RBM6: variants seen among roughly 807,000 people sequenced by gnomAD.
The protein encoded by RBM6 is RNA binding motif protein 6.
A neutral mutation model predicts 140.4 loss-of-function variants in RBM6; 23 were observed. The observed-to-expected ratio is 0.16, with a 90% CI of 0.12 to 0.23. RBM6 has a LOEUF of 0.23. Among genes scored for constraint, RBM6 ranks in the 10% least tolerant of loss-of-function variants. The pLI, the probability that RBM6 is intolerant of heterozygous loss-of-function variation, is 1.00. For missense variants in RBM6, 1,139 were observed against 1,386.7 expected, an observed-to-expected ratio of 0.82 and a Z score of 2.84; for synonymous variants, 439 against 475.6, an observed-to-expected ratio of 0.92 and a Z score of 1.00.
chr3:49,944,938 G>A (rs1427219919), intron 1 of RBM6, among the ~76,000 whole-genome samples: 15 of 150,776 alleles, frequency 9.9e-5, no homozygotes, highest in Admixed American at 2.7e-4. Context: ...GTGCAGTGGC[G>A]TGATCTCGGC....
At chr3:49,949,402 GT>G (rs1415785338) in intron 1 of RBM6, among the ~76,000 whole-genome samples, 2 of 151,040 alleles carry the variant, frequency 1.3e-5, no homozygotes, top group Non-Finnish European at 3.0e-5. Context: ...TTGTTTGCTT[GT>G]TTTTTTTGAG....
chr3:49,959,630 G>T (rs922082189), intron 1 of RBM6, among the ~76,000 whole-genome samples: 5 of 146,750 alleles, frequency 3.4e-5, no homozygotes, highest in Non-Finnish European at 7.5e-5. Context: ...GAGTGCAGTG[G>T]TGTGACCTCG....
chr3:50,061,859 A>G, intron 14 of RBM6, 103 bp from the exon 15 acceptor site: 1 of 1,440,562 alleles, frequency 6.9e-7, no homozygotes, highest in East Asian at 2.4e-5. Flanking sequence ...TTGTAAGTAA[A>G]AAAGTTGTTT....
chr3:50,030,218 G>A (rs1389470560), intron 6 of RBM6, among the ~76,000 whole-genome samples: 1 of 148,664 alleles, frequency 6.7e-6, no homozygotes, highest in Non-Finnish European at 1.5e-5. Flanking sequence ...AGGAAGTCGA[G>A]ATTGCAGTGA....
At chr3:50,017,537 G>A (rs764623449) in intron 6 of RBM6, among the ~76,000 whole-genome samples, 10 of 145,012 alleles carry the variant, frequency 6.9e-5, no homozygotes, top group East Asian at 2.0e-4. Context: ...CAGCCTGGGC[G>A]ACAGAGCAAG....
At chr3:50,022,423 C>T (rs1398575545) in intron 6 of RBM6, among the ~76,000 whole-genome samples, 5 of 151,828 alleles carry the variant, frequency 3.3e-5, no homozygotes, top group Middle Eastern at 3.2e-3. Context: ...CTCTGCCTCC[C>T]GGGTTCAAGT....
At chr3:49,962,942 C>CA (rs1342260488) in intron 2 of RBM6, 50 of 260,402 alleles carry the variant, frequency 1.9e-4, no homozygotes, top group South Asian at 4.2e-4. Context: ...CTAAAAAATA[C>CA]AAAAAAAACT....
At chr3:50,053,491 G>A (rs1252760879) in intron 7 of RBM6, among the ~76,000 whole-genome samples, 1 of 151,532 alleles carries the variant, frequency 6.6e-6, no homozygotes, top group Non-Finnish European at 1.5e-5. Context: ...AGATCATGCC[G>A]TTGCACTCCA....
chr3:50,010,210 A>G (rs1386554576), intron 6 of RBM6, among the ~76,000 whole-genome samples: 1 of 152,186 alleles, frequency 6.6e-6, no homozygotes, highest in Non-Finnish European at 1.5e-5. Flanking sequence ...TTAATCTCAC[A>G]GGGTGAGATT....
intron 6 of RBM6, among the ~76,000 whole-genome samples, chr3:50,046,064 C>T (rs1041560812): frequency 2.0e-5 from 3 of 151,850 alleles, no homozygotes; most frequent in African/African-American, 4.8e-5. Context: ...GGGCAGATCA[C>T]GAGGTCAGGA....
rs1451547809 is a variant in RBM6, at chr3:49,967,840, G to C, written c.415G>C (p.Asp139His). The C allele has an allele frequency of 6.2e-7, 1 of 1,614,154 alleles. No individual in the cohort carries two copies. Among genetic ancestry groups the C allele is most frequent in the Admixed American group, 1.7e-5 (1 of 60,004 alleles). The change falls in exon 3 of 21, where the codon GAT becomes CAT. Residue 139 changes from aspartate to histidine, a missense_variant. Transcript: ENST00000266022. This position sits in a 1 kb window ranked among gnomAD's most constrained non-coding sequence, Gnocchi z 4.0. ...EGPPMDYRGGDGTSMDYRGRE... is the reference protein window; with the variant it reads ...EGPPMDYRGGHGTSMDYRGRE... ...ACCACCTATGGACTATAGGGGTGGAGATGGTACTTCTATGGATTATAGAGG... is the reference window on the plus strand; with the variant it reads ...ACCACCTATGGACTATAGGGGTGGACATGGTACTTCTATGGATTATAGAGG...
At chr3:50,045,360 C>G (rs2089170858) in intron 6 of RBM6, among the ~76,000 whole-genome samples, 1 of 152,196 alleles carries the variant, frequency 6.6e-6, no homozygotes, top group Admixed American at 6.6e-5. Context: ...GCTCTAACAG[C>G]AGTATCTCCC....
intron 6 of RBM6, among the ~76,000 whole-genome samples, chr3:50,001,344 A>G (rs1241518786): frequency 6.6e-6 from 1 of 152,018 alleles, no homozygotes; most frequent in Admixed American, 6.6e-5. Context: ...GTGGCTATCA[A>G]CTTGGGAGGC....
At chr3:49,979,479 G>A (rs964278009) in intron 5 of RBM6, among the ~76,000 whole-genome samples, 1 of 130,252 alleles carries the variant, frequency 7.7e-6, no homozygotes, top group African/African-American at 3.0e-5. Flanking sequence ...TGCTCCCGTT[G>A]TGTAGGCAGG....
chr3:50,054,139 G>A, intron 7 of RBM6, 196 bp from the exon 8 acceptor site: 1 of 526,722 alleles, frequency 1.9e-6, no homozygotes. Flanking sequence ...TTGTTATAAG[G>A]TAGCTCTCAA....
rs763200659 is a variant in RBM6 at position 50,066,379 on chromosome 3, CAAG to C, written c.2824_2826del (p.Lys942del). 58 of 1,613,932 alleles carry C rather than the reference CAAG, an allele frequency of 3.6e-5. No homozygotes were observed. Among genetic ancestry groups the C allele is most frequent in the Non-Finnish European group, 3.3e-5 (39 of 1,180,036 alleles). ...AGCCCCAGAAGCGAGAGGAGCAAAC[CAAG>C]AAGGAGAATGAAGAAGACAAACTCA... On this transcript the variant is annotated inframe_deletion, in exon 17 of 21. Coordinates refer to ENST00000266022, the MANE Select transcript of RBM6 (RefSeq NM_005777.3).
chr3:50,006,703 C>CG (rs1208454318), intron 6 of RBM6, among the ~76,000 whole-genome samples: 5 of 151,110 alleles, frequency 3.3e-5, no homozygotes, highest in Non-Finnish European at 7.4e-5. Flanking sequence ...GAGGCCAAGA[C>CG]GGGCGGATCA....
chr3:49,968,226 G>A lies in RBM6; in HGVS notation c.801G>A (p.Gln267=), dbSNP rs766089797. ...GTAGACACCGATCTAGGACTGATCA[G>A]GATTTTAGGGGCAGAGAGATGGGAT... ...FRGRHRSRTD[Q]DFRGREMGSC... is the part of the protein sequence containing the mutation. The change falls in exon 3 of 21, where the codon CAG becomes CAA. Residue 267 remains glutamine (Q), a synonymous_variant. Coordinates refer to ENST00000266022, the MANE Select transcript of RBM6 (RefSeq NM_005777.3). 9 of 1,614,092 alleles carry A rather than the reference G, an allele frequency of 5.6e-6. No homozygotes were observed. The highest frequency in any genetic ancestry group is 7.6e-6 in the Non-Finnish European group (9 of 1,180,028).
chr3:50,036,615 T>G (rs188101445), intron 6 of RBM6, among the ~76,000 whole-genome samples: 6 of 152,224 alleles, frequency 3.9e-5, no homozygotes, highest in Admixed American at 1.3e-4. Context: ...ATTGGCTAAT[T>G]TAACCATAGC....
Sources: gnomAD v4.1 joint callset for allele counts (sites outside exome capture counted in the v4.1 genomes callset) on GRCh38, gnomAD v4.1.1 for gene constraint, Gnocchi (gnomAD v3.1) non-coding constraint, MANE v1.5 for transcripts, NCBI Gene and HGNC (gene_info 2026-07-23, HGNC 2026-07-21) for gene names.